MGAT5: variants seen among roughly 807,000 people sequenced by gnomAD.
MGAT5 encodes alpha-1,6-mannosylglycoprotein 6-beta-N-acetylglucosaminyltransferase, also known as alpha-1,6-mannosylglycoprotein 6-beta-N-acetylglucosaminyltransferase A.
MGAT5 carries 30 observed loss-of-function variants against 94.3 expected under a neutral mutation model. That is an observed-to-expected ratio of 0.32 (90% CI 0.24 to 0.43). MGAT5 has a LOEUF of 0.43. MGAT5 is among the 20% of genes least tolerant of loss of function. MGAT5 has a pLI of 1.00. For synonymous variants in MGAT5, 310 were observed against 322.9 expected, an observed-to-expected ratio of 0.96 and a Z score of 0.43; for missense variants, 691 against 905.5, an observed-to-expected ratio of 0.76 and a Z score of 3.04.
intron 14 of MGAT5, among the ~76,000 whole-genome samples, chr2:134,433,120 G>T (rs1041008064): frequency 6.6e-6 from 1 of 152,302 alleles, no homozygotes; most frequent in Admixed American, 6.5e-5. Flanking sequence ...GGAAACCACT[G>T]ATCTGTTTCC....
chr2:134,302,868 A>G (rs1686110094), intron 2 of MGAT5, among the ~76,000 whole-genome samples: 1 of 150,998 alleles, frequency 6.6e-6, no homozygotes, highest in Non-Finnish European at 1.5e-5. Context: ...TGCTTTCAAC[A>G]TTTTCTCTTT....
chr2:134,414,928 A>C (rs1480560781), intron 12 of MGAT5, among the ~76,000 whole-genome samples: 1 of 152,168 alleles, frequency 6.6e-6, no homozygotes, highest in Admixed American at 6.5e-5. Context: ...TATTTTCCAC[A>C]TTCATCCATG....
At chr2:134,400,038 C>A (rs1445920781) in intron 10 of MGAT5, among the ~76,000 whole-genome samples, 1 of 152,152 alleles carries the variant, frequency 6.6e-6, no homozygotes, top group African/African-American at 2.4e-5. Flanking sequence ...CAAGAACTGA[C>A]CCTTCCATCC....
upstream of MGAT5, among the ~76,000 whole-genome samples, chr2:134,250,708 G>T (rs1414773783): frequency 6.6e-6 from 1 of 152,132 alleles, no homozygotes; most frequent in Non-Finnish European, 1.5e-5. Flanking sequence ...AAGTTTCCTG[G>T]CACTTCTATA....
intron 2 of MGAT5, among the ~76,000 whole-genome samples, chr2:134,278,433 A>G (rs975125107): frequency 2.0e-5 from 3 of 152,128 alleles, no homozygotes; most frequent in Non-Finnish European, 2.9e-5. Context: ...CTTGGCCTCT[A>G]TGCCTATTCA....
intron 1 of MGAT5, among the ~76,000 whole-genome samples, chr2:134,154,631 C>T (rs1687389515): frequency 6.6e-6 from 1 of 152,138 alleles, no homozygotes; most frequent in Non-Finnish European, 1.5e-5. Flanking sequence ...TATTTGAAGT[C>T]AGAGGACACT....
intron 10 of MGAT5, among the ~76,000 whole-genome samples, chr2:134,369,820 A>G (rs981599048): frequency 2.6e-5 from 4 of 151,682 alleles, no homozygotes; most frequent in African/African-American, 9.7e-5. Context: ...CTTTACGGAA[A>G]AAATTTGATG....
chr2:134,194,268 C>A lies in MGAT5; in HGVS notation c.-142-59994C>A, dbSNP rs181413175. ...CTTGGGGGCACAGAGTAAATTTCTT[C>A]TCGGAGCTATCTGCAATGATGGCTT... On this transcript the variant is annotated intron_variant, in intron 1 of 16. Transcript: ENST00000409645. Among the ~76,000 whole-genome samples the A allele has an allele frequency of 5.9e-5, 9 of 152,200 alleles. No individual in the cohort carries two copies. In the East Asian group the frequency reaches 9.7e-4, roughly 16 times the overall value.
chr2:134,260,095 A>T (rs1683224368), intron 1 of MGAT5, among the ~76,000 whole-genome samples: 1 of 152,160 alleles, frequency 6.6e-6, no homozygotes, highest in South Asian at 2.1e-4. Flanking sequence ...CCAGGGTAGA[A>T]GGGAGGCCAC....
intron 14 of MGAT5, among the ~76,000 whole-genome samples, chr2:134,439,142 T>TTGCCTTTCTCAGCAGGCAA (rs950033450): frequency 3.3e-5 from 5 of 152,284 alleles, no homozygotes; most frequent in Admixed American, 1.3e-4. Flanking sequence ...TAACCTATAG[T>TTGCCTTTCTCAGCAGGCAA]TGCCTTTCTC....
chr2:134,136,778 C>T (rs1686430938), intron 1 of MGAT5, among the ~76,000 whole-genome samples: 1 of 152,152 alleles, frequency 6.6e-6, no homozygotes, highest in Non-Finnish European at 1.5e-5. Flanking sequence ...CACTGCTCCC[C>T]TTTCCCTCCT....
At chr2:134,245,273 A>T (rs1682185932) in intron 1 of MGAT5, among the ~76,000 whole-genome samples, 1 of 152,232 alleles carries the variant, frequency 6.6e-6, no homozygotes, top group African/African-American at 2.4e-5. Context: ...GGCCTCCCAA[A>T]GTGCGGATTA....
intron 1 of MGAT5, among the ~76,000 whole-genome samples, chr2:134,163,121 A>G (rs1374869641): frequency 6.6e-6 from 1 of 152,118 alleles, no homozygotes; most frequent in East Asian, 1.9e-4. Flanking sequence ...CCAGGAAGGA[A>G]AGTTTCCCAG....
intron 1 of MGAT5, among the ~76,000 whole-genome samples, chr2:134,220,491 T>A (rs1404578165): frequency 6.6e-6 from 1 of 152,192 alleles, no homozygotes; most frequent in African/African-American, 2.4e-5. Context: ...CCAGGAAATC[T>A]GCTCCACACA....
chr2:134,266,800 A>G (rs990803497), intron 1 of MGAT5, among the ~76,000 whole-genome samples: 5 of 152,232 alleles, frequency 3.3e-5, no homozygotes, highest in East Asian at 1.9e-4. Flanking sequence ...CTGCTTTGAA[A>G]TGGTGACTCA....
intron 10 of MGAT5, among the ~76,000 whole-genome samples, chr2:134,381,390 A>ATTAAGATAAGATAGAT (rs58642991): frequency 8.5e-6 from 1 of 117,376 alleles, no homozygotes; most frequent in African/African-American, 3.4e-5. Flanking sequence ...GATTAGATAG[A>ATTAAGATAAGATAGAT]TAGATAGATA....
intron 2 of MGAT5, among the ~76,000 whole-genome samples, chr2:134,271,452 T>C (rs1358998022): frequency 1.3e-5 from 2 of 152,176 alleles, no homozygotes; most frequent in Non-Finnish European, 2.9e-5. Context: ...AGTAAGTAAC[T>C]AGGTTACTTT....
intron 1 of MGAT5, among the ~76,000 whole-genome samples, chr2:134,221,132 G>C (rs1680744299): frequency 6.6e-6 from 1 of 152,190 alleles, no homozygotes; most frequent in African/African-American, 2.4e-5. Context: ...TCCGAGCCAA[G>C]TATGAGTGAC....
chr2:134,223,555 C>T (rs145541962), intron 1 of MGAT5, among the ~76,000 whole-genome samples: 1 of 152,172 alleles, frequency 6.6e-6, no homozygotes, highest in Admixed American at 6.5e-5. Context: ...AAATTATAAT[C>T]TGCTACTTTC....
Sources: gnomAD v4.1 joint callset for allele counts (sites outside exome capture counted in the v4.1 genomes callset) on GRCh38, gnomAD v4.1.1 for gene constraint, MANE v1.5 for transcripts, NCBI Gene and HGNC (gene_info 2026-07-23, HGNC 2026-07-21) for gene names.